The following EDARADD variants were observed in gnomAD, a reference collection of about 807,000 sequenced individuals.
EDARADD encodes the protein EDAR associated via death domain.
Under a neutral mutation model 25.6 loss-of-function variants are expected in EDARADD, and 20 were observed. That is an observed-to-expected ratio of 0.78 (90% CI 0.55 to 1.14). EDARADD has a LOEUF of 1.14. EDARADD is among the 50% of genes most tolerant of loss of function. The pLI is 0.00. For synonymous variants in EDARADD, 86 were observed against 94.4 expected, an observed-to-expected ratio of 0.91 and a Z score of 0.52; for missense variants, 225 against 270.1, an observed-to-expected ratio of 0.83 and a Z score of 1.17.
intron 3 of EDARADD, among the ~76,000 whole-genome samples, chr1:236,359,094 A>G (rs1667015789): frequency 6.6e-6 from 1 of 152,156 alleles, no homozygotes; most frequent in Admixed American, 6.5e-5. Context: ...CAGTTGTAAA[A>G]GAGGTAAACT....
chr1:236,423,853 C>T (rs906404953), intron 3 of EDARADD, among the ~76,000 whole-genome samples: 2 of 152,094 alleles, frequency 1.3e-5, no homozygotes, highest in Non-Finnish European at 2.9e-5. Context: ...CACCTGTAAT[C>T]CCAGCACTTT....
At chr1:236,454,513 G>A (rs1055941437) in intron 4 of EDARADD, among the ~76,000 whole-genome samples, 5 of 152,136 alleles carry the variant, frequency 3.3e-5, no homozygotes, top group African/African-American at 1.2e-4. Context: ...TCCTAGGCTT[G>A]GTGTCATCCA....
chr1:236,461,568 G>A (rs913142424), intron 4 of EDARADD, among the ~76,000 whole-genome samples: 1 of 152,214 alleles, frequency 6.6e-6, no homozygotes, highest in Non-Finnish European at 1.5e-5. Flanking sequence ...TAACTTGAAA[G>A]CAGGTAATGT....
chr1:236,434,244 C>CT (rs200291409), intron 4 of EDARADD, among the ~76,000 whole-genome samples: 7,813 of 146,432 alleles, frequency 0.053, 587 homozygotes, highest in African/African-American at 0.17. Flanking sequence ...AATTTTTTTG[C>CT]TTTTTTTTTT....
At chr1:236,475,576 A>G (rs1409614481) in intron 5 of EDARADD, among the ~76,000 whole-genome samples, 2 of 152,122 alleles carry the variant, frequency 1.3e-5, no homozygotes, top group African/African-American at 2.4e-5. Context: ...CAGCCTGGCC[A>G]ACATGGTGAA....
Position 236,482,883 on chromosome 1 carries a change from A to G in EDARADD, c.*234A>G. 1 of 642,872 alleles carries G rather than the reference A, an allele frequency of 1.6e-6. No homozygotes were observed. The highest frequency in any genetic ancestry group is 2.6e-6 in the Non-Finnish European group (1 of 377,782). The allele number at this position is 642,872 out of a possible 1,614,324, so 39.8% of individuals were successfully genotyped here. A position where few individuals can be genotyped will look rare whatever the true frequency, so the allele number is the denominator to read the frequency against. On this transcript the variant is annotated 3_prime_UTR_variant, in exon 6 of 6. Coordinates refer to ENST00000334232, the MANE Select transcript of EDARADD (RefSeq NM_145861.4). Reference sequence around the variant, plus strand: ...TTCAAATCTGGAATTAAGAAAACATATTTTCTAGTATCCTCTAAGGGCCAA... The same window carrying G: ...TTCAAATCTGGAATTAAGAAAACATGTTTTCTAGTATCCTCTAAGGGCCAA...
rs1558108728 is a variant in EDARADD at position 236,395,202 on chromosome 1, C to T, written c.61+697C>T. Among the ~76,000 whole-genome samples, 1 of 152,194 alleles carries T rather than the reference C, an allele frequency of 6.6e-6. No individual in the cohort carries two copies. The highest frequency in any genetic ancestry group is 1.5e-5 in the Non-Finnish European group (1 of 68,030). Reference sequence around the variant, plus strand: ...CGTTTCTTAAGGCCAGTCCTTCGCTCGCAGTCTGTCCCGGGCGGCAGTCGT... The same window carrying T: ...CGTTTCTTAAGGCCAGTCCTTCGCTTGCAGTCTGTCCCGGGCGGCAGTCGT... On this transcript the variant is annotated intron_variant, in intron 1 of 5. Coordinates refer to ENST00000334232, the MANE Select transcript of EDARADD (RefSeq NM_145861.4). The surrounding 1 kb of genome is among the most constrained non-coding windows in gnomAD (Gnocchi z 6.9).
chr1:236,379,401 C>T (rs1259174896), intron 3 of EDARADD, among the ~76,000 whole-genome samples: 1 of 150,818 alleles, frequency 6.6e-6, no homozygotes, highest in Non-Finnish European at 1.5e-5. Flanking sequence ...CAACTAAAGT[C>T]ACAATCCCTG....
intron 5 of EDARADD, among the ~76,000 whole-genome samples, chr1:236,472,784 T>A (rs1441175304): frequency 6.6e-6 from 1 of 152,240 alleles, no homozygotes; most frequent in Non-Finnish European, 1.5e-5. Context: ...TCATTATCCC[T>A]GTTTGGAGAG....
intron 1 of EDARADD, among the ~76,000 whole-genome samples, chr1:236,405,787 TTCTTTTCTTTTTC>T (rs1270224870): frequency 8.8e-4 from 40 of 45,498 alleles, no homozygotes; most frequent in African/African-American, 2.3e-3. Flanking sequence ...CTTTCTTTCT[TTCTTTTCTTTTTC>T]TTTCTTTCTT....
At chr1:236,444,211 CCTG>C (rs1159220322) in intron 4 of EDARADD, among the ~76,000 whole-genome samples, 1 of 151,956 alleles carries the variant, frequency 6.6e-6, no homozygotes, top group African/African-American at 2.4e-5. Context: ...ATTTATGTGA[CCTG>C]CTTTATTGCT....
chr1:236,379,300 G>A (rs1464239829), intron 3 of EDARADD, among the ~76,000 whole-genome samples: 2 of 151,988 alleles, frequency 1.3e-5, no homozygotes, highest in African/African-American at 4.8e-5. Flanking sequence ...AACCTGGGAG[G>A]CGGAGGTTGC....
chr1:236,361,369 G>T (rs1300420686), intron 3 of EDARADD, among the ~76,000 whole-genome samples: 1 of 151,862 alleles, frequency 6.6e-6, no homozygotes, highest in Non-Finnish European at 1.5e-5. Context: ...AGGCTGGAGT[G>T]CAGTGGCGCG....
chr1:236,461,252 G>A (rs539310131), intron 4 of EDARADD, among the ~76,000 whole-genome samples: 40 of 152,314 alleles, frequency 2.6e-4, no homozygotes, highest in African/African-American at 8.4e-4. Context: ...TCAAACTTTA[G>A]CATTGTTATT....
chr1:236,388,379 C>G (rs1040624550), intron 3 of EDARADD, among the ~76,000 whole-genome samples: 1 of 152,092 alleles, frequency 6.6e-6, no homozygotes, highest in Non-Finnish European at 1.5e-5. Context: ...CTTGAATTTA[C>G]TCTCCCATAT....
intron 4 of EDARADD, among the ~76,000 whole-genome samples, chr1:236,439,819 G>A (rs1658354690): frequency 6.6e-6 from 1 of 152,084 alleles, no homozygotes; most frequent in African/African-American, 2.4e-5. Context: ...TTTTGACAGT[G>A]TCTTTCACAG....
chr1:236,366,783 T>G (rs1410443957), intron 3 of EDARADD, among the ~76,000 whole-genome samples: 1 of 151,760 alleles, frequency 6.6e-6, no homozygotes, highest in Non-Finnish European at 1.5e-5. Context: ...CTTTGCTTAA[T>G]GTAGAGTGTC....
Position 236,395,268 on chromosome 1 carries a change from C to T in EDARADD, c.61+763C>T, listed in dbSNP as rs1667492625. 2.2e-6 allele frequency: 2 copies of T among 920,056 alleles called. No individual in the cohort carries two copies. The highest frequency in any genetic ancestry group is 1.8e-5 in the African/African-American group (1 of 55,358). The allele number at this position is 920,056 out of a possible 1,614,324, so 57.0% of individuals were successfully genotyped here. Reference sequence around the variant, plus strand: ...GGACCCGCCCAGGGGGACGTGGGTACCGGGCAGGACGCGCGCTCTGGGCGC... The same window carrying T: ...GGACCCGCCCAGGGGGACGTGGGTATCGGGCAGGACGCGCGCTCTGGGCGC... On this transcript the variant is annotated intron_variant, in intron 1 of 5. Transcript: ENST00000334232. The surrounding 1 kb of genome is among the most constrained non-coding windows in gnomAD (Gnocchi z 6.9).
At chr1:236,397,898 A>T (rs1246633803) in intron 1 of EDARADD, among the ~76,000 whole-genome samples, 6 of 152,040 alleles carry the variant, frequency 3.9e-5, no homozygotes, top group African/African-American at 1.2e-4. Flanking sequence ...TCTGCAACCC[A>T]CAGGAGACAT....
Sources: allele counts gnomAD v4.1 joint callset (sites outside exome capture counted in the v4.1 genomes callset), GRCh38; gene constraint gnomAD v4.1.1; non-coding constraint Gnocchi (gnomAD v3.1); transcripts MANE v1.5; gene names NCBI Gene and HGNC (gene_info 2026-07-23, HGNC 2026-07-21).